The following SLC15A5 variants were observed in gnomAD, a reference collection of about 807,000 sequenced individuals.
SLC15A5 encodes the protein solute carrier family 15 member 5, also known as Peptide/histidine transporter ENSP00000340402.
A neutral mutation model predicts 56.1 loss-of-function variants in SLC15A5; 58 were observed. The observed-to-expected ratio is 1.03, with a 90% CI of 0.84 to 1.29. The LOEUF (loss-of-function observed/expected upper bound fraction) is 1.29, where lower values mean the gene tolerates loss of function less well. SLC15A5 is among the 50% of genes most tolerant of loss of function. The pLI, the probability that SLC15A5 is intolerant of heterozygous loss-of-function variation, is 0.00. For missense variants in SLC15A5, 681 were observed against 672.1 expected (o/e 1.01, Z -0.15); for synonymous variants, 264 against 250.5 (o/e 1.05, Z -0.51).
chr12:16,191,894 C>T (rs375077866), intron 8 of SLC15A5, among the ~76,000 whole-genome samples: 2 of 152,030 alleles, frequency 1.3e-5, no homozygotes, highest in Non-Finnish European at 2.9e-5. Context: ...CTGTGGGGTG[C>T]TCGTCAACAG....
chr12:16,194,424 C>G lies in SLC15A5; in HGVS notation c.1513G>C (p.Gly505Arg), dbSNP rs1863874862. Residue 505 changes from glycine to arginine, a missense_variant, in exon 8 of 9, where the codon GGC becomes CGC. By Grantham distance (125) the Gly-to-Arg change is moderately radical. Transcript: ENST00000344941. ...AAGAAGAAGAAGCTTTCTAAATTGC[C>G]TTTGTTTAATGTGTTTGGAAACCAA... ...GNWFPNTLNK[G>R]NLESFFFFLA... The G allele has an allele frequency of 6.5e-7, 1 of 1,535,020 alleles. No individual in the cohort carries two copies. Among genetic ancestry groups the G allele is most frequent in the East Asian group, 2.4e-5 (1 of 40,818 alleles).
chr12:16,191,662 C>T (rs544275455), intron 8 of SLC15A5, among the ~76,000 whole-genome samples: 5 of 152,124 alleles, frequency 3.3e-5, no homozygotes, highest in South Asian at 2.1e-4. Context: ...AGAAAAAAAT[C>T]GGAATCATGC....
At chr12:16,228,076 A>G (rs1457620305) in intron 5 of SLC15A5, among the ~76,000 whole-genome samples, 1 of 152,242 alleles carries the variant, frequency 6.6e-6, no homozygotes, top group African/African-American at 2.4e-5. Context: ...TATAAGTAAG[A>G]ACCATAGTAG....
rs959198437 is a variant in SLC15A5 at position 16,271,112 on chromosome 12, C to T, written c.584+1449G>A. ...CCTTACAGCTGCAGAAATTCATTTT[C>T]ACCCCATTCCCCATCCCCCTTCCTG... On this transcript the variant is annotated intron_variant, in intron 2 of 8. Transcript: ENST00000344941. This position sits in a 1 kb window ranked among gnomAD's most constrained non-coding sequence, Gnocchi z 8.0. 2.1e-4 allele frequency among the ~76,000 whole-genome samples: 32 copies of T among 152,150 alleles called. No homozygotes were observed. Among genetic ancestry groups the T allele is most frequent in the African/African-American group, 7.7e-4 (32 of 41,438 alleles).
intron 5 of SLC15A5, 124 bp from the exon 6 acceptor site, chr12:16,224,726 T>C (rs1012485752): frequency 1.0e-6 from 1 of 970,582 alleles, no homozygotes. Flanking sequence ...GTTTTTATTT[T>C]TTTTTAATTT....
At chr12:16,209,253 T>A (rs1177909395) in intron 7 of SLC15A5, among the ~76,000 whole-genome samples, 1 of 152,112 alleles carries the variant, frequency 6.6e-6, no homozygotes, top group Admixed American at 6.5e-5. Context: ...TATGTGCATA[T>A]ACATATATAC....
At chr12:16,246,749 A>G (rs1440994534) in intron 3 of SLC15A5, among the ~76,000 whole-genome samples, 1 of 152,110 alleles carries the variant, frequency 6.6e-6, no homozygotes, top group Non-Finnish European at 1.5e-5. Flanking sequence ...GTTTTTTTGT[A>G]TAAACAATCA....
rs183716202 is a variant in SLC15A5 at position 16,251,553 on chromosome 12, A to G, written c.754+6148T>C. 2.6e-4 allele frequency among the ~76,000 whole-genome samples: 39 copies of G among 152,076 alleles called. 1 individual carries two copies. Among genetic ancestry groups the G allele is most frequent in the South Asian group, 6.2e-4 (3 of 4,828 alleles). On this transcript the variant is annotated intron_variant, in intron 3 of 8. Transcript: ENST00000344941. ...ATTATAGAGGAAGAATTGTACGCCA[A>G]CAAATTATATAATCTAGAAGAAATG...
chr12:16,256,862 A>ATAAT (rs200135720), intron 3 of SLC15A5, among the ~76,000 whole-genome samples: 7 of 130,806 alleles, frequency 5.4e-5, no homozygotes, highest in East Asian at 2.2e-4. Context: ...CCGTCTCAAA[A>ATAAT]AAAAAAAATA....
At position 16,277,505 on chromosome 12, in the gene SLC15A5, C is replaced by T. The variant is rs750444095; in HGVS notation, c.181G>A (p.Val61Ile). The T allele has an allele frequency of 2.1e-5, 33 of 1,536,350 alleles. No homozygotes were observed. The highest frequency in any genetic ancestry group is 1.8e-4 in the South Asian group (15 of 84,046). The change falls in exon 1 of 9, where the codon GTC (valine) becomes ATC (isoleucine). Residue 61 changes from valine to isoleucine, a missense_variant. Val to Ile is a conservative substitution (Grantham distance 29, BLOSUM62 3). Transcript: ENST00000344941. ...LCERFTFFEVVCNMIPFCTIK... is the reference protein window; with the variant it reads ...LCERFTFFEVICNMIPFCTIK... ...GTGCAAAAGGGGATCATGTTGCAGA[C>T]GACTTCAAAGAACGTGAACCTCTCA...
Position 16,272,700 on chromosome 12 carries a change from T to G in SLC15A5, c.445A>C (p.Thr149Pro), listed in dbSNP as rs1864773223. ...ACATAAAACAGCCTGTGCTGCTCTGTTTTTGGTATGTTGTTAACTGCATGG... is the reference window on the plus strand; with the variant it reads ...ACATAAAACAGCCTGTGCTGCTCTGGTTTTGGTATGTTGTTAACTGCATGG... ...TYHAVNNIPKTEQHRLFYVAL... is the reference protein window; with the variant it reads ...TYHAVNNIPKPEQHRLFYVAL... The change falls in exon 2 of 9, where the codon ACA (threonine) becomes CCA (proline). Residue 149 changes from threonine (T) to proline (P), a missense_variant. By Grantham distance (38) the Thr-to-Pro change is conservative. Coordinates refer to ENST00000344941, the MANE Select transcript of SLC15A5 (RefSeq NM_001170798.1). 7.2e-6 allele frequency: 11 copies of G among 1,537,066 alleles called. No homozygotes were observed. The Admixed American group carries it at 1.8e-4, about 25-fold the overall frequency.
chr12:16,232,713 C>T (rs997082048), intron 5 of SLC15A5, among the ~76,000 whole-genome samples: 3 of 152,002 alleles, frequency 2.0e-5, no homozygotes, highest in African/African-American at 4.8e-5. Context: ...GCCAGGAGTT[C>T]AAGACCAGCC....
chr12:16,249,747 GTTA>G (rs1864501262), intron 3 of SLC15A5, among the ~76,000 whole-genome samples: 1 of 151,920 alleles, frequency 6.6e-6, no homozygotes, highest in Non-Finnish European at 1.5e-5. Context: ...ATGCTGAACA[GTTA>G]TTTAGAAAAT....
intron 3 of SLC15A5, among the ~76,000 whole-genome samples, chr12:16,246,391 G>A (rs531678823): frequency 6.6e-6 from 1 of 152,286 alleles, no homozygotes; most frequent in South Asian, 2.1e-4. Flanking sequence ...GTTTACTTAA[G>A]GTTTAGGTAA....
At chr12:16,270,398 A>G (rs544534221) in intron 2 of SLC15A5, among the ~76,000 whole-genome samples, 19 of 152,268 alleles carry the variant, frequency 1.2e-4, no homozygotes, top group Non-Finnish European at 2.4e-4. Context: ...CGTTATATTT[A>G]CCAGTCTTGT....
At chr12:16,203,668 AT>A (rs1863985303) in intron 7 of SLC15A5, among the ~76,000 whole-genome samples, 1 of 152,186 alleles carries the variant, frequency 6.6e-6, no homozygotes, top group Admixed American at 6.5e-5. Context: ...TGAGCAAGAT[AT>A]GATGTGACTG....
At position 16,243,213 on chromosome 12, in the gene SLC15A5, CT is replaced by C. The variant is rs10572676; in HGVS notation, c.975+1366del. ...TTATATATTTTTCTTTGCTTTTTCT[CT>C]TTTTTTTTTTTTTGAGATGGAGTTT... is the stretch of plus-strand genomic sequence containing the variant. On this transcript the variant is annotated intron_variant, in intron 4 of 8. Coordinates refer to ENST00000344941, the MANE Select transcript of SLC15A5 (RefSeq NM_001170798.1). The surrounding 1 kb of genome is among the most constrained non-coding windows in gnomAD (Gnocchi z 4.4). Among the ~76,000 whole-genome samples, 115,172 of 131,946 alleles carry C rather than the reference CT, an allele frequency of 0.87. 50,619 individuals are homozygous for C. The highest frequency in any genetic ancestry group is 0.95 in the South Asian group (3,896 of 4,096). 86.6% of individuals were successfully genotyped at this position (131,946 alleles called of 152,430 possible).
chr12:16,234,412 A>T (rs1864327656), intron 5 of SLC15A5, among the ~76,000 whole-genome samples: 1 of 152,226 alleles, frequency 6.6e-6, no homozygotes, highest in African/African-American at 2.4e-5. Flanking sequence ...CTTATTTGCT[A>T]CTGCACTCTG....
chr12:16,228,247 T>C (rs1408286318), intron 5 of SLC15A5, among the ~76,000 whole-genome samples: 1 of 152,100 alleles, frequency 6.6e-6, no homozygotes, highest in Non-Finnish European at 1.5e-5. Context: ...AGTCAGAGTT[T>C]AGGGCCAGAT....
Sources: gnomAD v4.1 joint callset for allele counts (sites outside exome capture counted in the v4.1 genomes callset) on GRCh38, gnomAD v4.1.1 for gene constraint, Gnocchi (gnomAD v3.1) non-coding constraint, MANE v1.5 for transcripts, NCBI Gene and HGNC (gene_info 2026-07-23, HGNC 2026-07-21) for gene names.